Variants in PLXNA1 observed in about 807,000 individuals in gnomAD.
PLXNA1 encodes the protein plexin A1.
A neutral mutation model predicts 191.7 loss-of-function variants in PLXNA1; 77 were observed. The ratio of observed to expected loss-of-function variants is 0.40; its 90% CI spans 0.33 to 0.49. PLXNA1 has a LOEUF of 0.49. PLXNA1 is among the 20% of genes least tolerant of loss of function. The pLI is 0.63. For synonymous variants in PLXNA1, 1,137 were observed against 1,156.4 expected, an observed-to-expected ratio of 0.98 and a Z score of 0.34; for missense variants, 2,110 against 2,660.2, an observed-to-expected ratio of 0.79 and a Z score of 4.55.
At chr3:126,986,178 G>A (rs370912744) in intron 1 of PLXNA1, among the ~76,000 whole-genome samples, 3 of 152,208 alleles carry the variant, frequency 2.0e-5, no homozygotes, top group Admixed American at 6.5e-5. Context: ...ACTGATAAAC[G>A]GTGAGTGATT....
At chr3:127,003,162 G>T (rs974458705) in intron 3 of PLXNA1, among the ~76,000 whole-genome samples, 168 bp from the exon 4 acceptor site, 5 of 151,978 alleles carry the variant, frequency 3.3e-5, no homozygotes, top group Non-Finnish European at 7.4e-5. Context: ...TGGGGCTGGG[G>T]CTGGGGCTGG....
Position 126,989,199 on chromosome 3 carries a change from C to T in PLXNA1, c.606C>T (p.Ser202=), listed in dbSNP as rs1297464979. The change falls in exon 2 of 32, where the codon TCC becomes TCT. Residue 202 remains serine, a synonymous_variant. Transcript: ENST00000393409. ...DGKSEYFPTL[S]SRRLMANEED... is the part of the protein sequence containing the mutation. ...AGTCCGAGTACTTCCCCACACTGTC[C>T]AGCCGTCGGCTCATGGCCAACGAGG... The T allele has an allele frequency of 6.8e-6, 11 of 1,613,500 alleles. No individual in the cohort carries two copies. Among genetic ancestry groups the T allele is most frequent in the Non-Finnish European group, 9.3e-6 (11 of 1,180,062 alleles).
rs765834717 is a variant in PLXNA1, at chr3:127,030,233, C to T, written c.5062-10C>T. 26 of 1,611,438 alleles carry T rather than the reference C, an allele frequency of 1.6e-5. No individual in the cohort carries two copies. The highest frequency in any genetic ancestry group is 2.0e-5 in the Non-Finnish European group (23 of 1,178,568). ...CCCTGGGGCTCAGTGTCCCTGCCTG[C>T]CCCCCGCAGGGCACACTGCAGAAGT... is the stretch of plus-strand genomic sequence containing the variant. On this transcript the variant is annotated splice_polypyrimidine_tract_variant and intron_variant, in intron 28 of 31. Transcript: ENST00000393409.
chr3:127,035,210 AAAAG>A lies in PLXNA1; in HGVS notation c.*1198_*1201del, dbSNP rs1175457528. ...CCTCAGCAAGAGAGAATGCATTCTT[AAAAG>A]AAAGCTGTACATGTATATATATGCA... On this transcript the variant is annotated 3_prime_UTR_variant, in exon 32 of 32. Coordinates refer to ENST00000393409, the MANE Select transcript of PLXNA1 (RefSeq NM_032242.4). 1 of 152,178 alleles carries A rather than the reference AAAAG, an allele frequency of 6.6e-6. No individual in the cohort carries two copies. The highest frequency in any genetic ancestry group is 1.5e-5 in the Non-Finnish European group (1 of 68,024). The allele number at this position is 152,178 out of a possible 1,614,324, so 9.4% of individuals were successfully genotyped here. A position where few individuals can be genotyped will look rare whatever the true frequency, so the allele number is the denominator to read the frequency against.
At chr3:126,988,052 A>G (rs979227985) in intron 1 of PLXNA1, among the ~76,000 whole-genome samples, 3 of 152,072 alleles carry the variant, frequency 2.0e-5, no homozygotes, top group African/African-American at 7.2e-5. Context: ...TCTGTAGGGG[A>G]CGGTGGTGGA....
intron 1 of PLXNA1, among the ~76,000 whole-genome samples, chr3:126,985,034 C>T (rs914295526): frequency 5.9e-5 from 9 of 152,192 alleles, no homozygotes; most frequent in Admixed American, 4.6e-4. Context: ...CCCCCGGCTG[C>T]TGTTGTGAGC....
In PLXNA1 at chr3:127,007,881, G is replaced by A. The variant is rs149327396; in HGVS notation, c.2080G>A (p.Ala694Thr). 50 of 1,611,830 alleles carry A rather than the reference G, an allele frequency of 3.1e-5. No homozygotes were observed. The highest frequency in any genetic ancestry group is 8.0e-5 in the African/African-American group (6 of 74,920). The stretch of plus-strand genomic sequence containing the variant: ...GTGCACACACAACGTGGCTGACTGC[G>A]CCTTCCTGGAGGGCCGTGTCAACGT... ...HVCTHNVADC[A>T]FLEGRVNVSE... Residue 694 changes from alanine (A) to threonine (T), a missense_variant, in exon 9 of 32, where the codon GCC (alanine) becomes ACC (threonine). Ala to Thr is a moderately conservative substitution (Grantham distance 58). This residue lies in a region of PLXNA1 where 903 missense variants were observed against 1,015.7 expected (regional missense o/e 0.89). Transcript: ENST00000393409.
rs749888480 is a variant in PLXNA1 at position 127,017,843 on chromosome 3, C to G, written c.3611C>G (p.Thr1204Arg). ...STPCTLTVSE[T>R]QLLCEAPNLT... ...CCCTGTACCCTCACCGTGTCGGAGA[C>G]GCAACTGCTGTGCGAGGCGCCCAAC... Residue 1204 changes from threonine to arginine, a missense_variant, in exon 19 of 32, where the codon ACG becomes AGG. Coordinates refer to ENST00000393409, the MANE Select transcript of PLXNA1 (RefSeq NM_032242.4). 1 of 1,612,908 alleles carries G rather than the reference C, an allele frequency of 6.2e-7. No individual in the cohort carries two copies. The highest frequency in any genetic ancestry group is 8.5e-7 in the Non-Finnish European group (1 of 1,180,016).
chr3:126,988,896 G>A lies in PLXNA1; in HGVS notation c.303G>A (p.Val101=), dbSNP rs1220043840. The change falls in exon 2 of 32, where the codon GTG becomes GTA. Residue 101 remains valine (V), a synonymous_variant. Coordinates refer to ENST00000393409, the MANE Select transcript of PLXNA1 (RefSeq NM_032242.4). ...AGAAGTGCTACCCGCCGCCCAGCGT[G>A]CAGTCCTGCCCCCACGGCCTGGGCA... ...DNEKCYPPPS[V]QSCPHGLGST... is the part of the protein sequence containing the mutation. 2 of 1,613,324 alleles carry A rather than the reference G, an allele frequency of 1.2e-6. No individual in the cohort carries two copies. The highest frequency in any genetic ancestry group is 1.6e-4 in the Middle Eastern group (1 of 6,062).
rs1417699125 is a variant in PLXNA1 at position 126,989,670 on chromosome 3, G to A, written c.1077G>A (p.Leu359=). The A allele has an allele frequency of 1.9e-6, 3 of 1,613,162 alleles. No homozygotes were observed. In the Admixed American group the frequency reaches 5.0e-5, roughly 27 times the overall value. ...VKPPKESALC[L]FTLRAIKEKI... is the part of the protein sequence containing the mutation. ...CACCAAAGGAGTCAGCACTGTGCCT[G>A]TTCACGCTCAGGGCCATCAAGGAGA... Residue 359 remains leucine (L), a synonymous_variant, in exon 2 of 32, where the codon CTG becomes CTA. Transcript: ENST00000393409.
chr3:127,028,783 TA>T, intron 25 of PLXNA1: 1 of 587,930 alleles, frequency 1.7e-6, no homozygotes, highest in South Asian at 2.0e-5. Flanking sequence ...CAGACCCCCT[TA>T]GGCTGGGGCT....
At chr3:127,018,220 T>G in intron 19 of PLXNA1, 74 bp from the exon 20 acceptor site, 1 of 1,326,180 alleles carries the variant, frequency 7.5e-7, no homozygotes, top group South Asian at 1.4e-5. Flanking sequence ...GGGGTGGGTC[T>G]TGCCCATCGG....
intron 3 of PLXNA1, among the ~76,000 whole-genome samples, chr3:127,002,318 G>T (rs769760623): frequency 5.9e-5 from 9 of 152,240 alleles, no homozygotes; most frequent in Non-Finnish European, 2.9e-5. Flanking sequence ...CGGCGCTCAG[G>T]AATGCGGCCC....
At position 127,005,162 on chromosome 3, in the gene PLXNA1, T is replaced by C; in HGVS notation, c.1816T>C (p.Ser606Pro). Reference sequence around the variant, plus strand: ...CTGCTCCTTCGAGGACTTCACGGAATCTGAGAGCGTCCTGGAGGATGGCCG... The same window carrying C: ...CTGCTCCTTCGAGGACTTCACGGAACCTGAGAGCGTCCTGGAGGATGGCCG... ...VNCSFEDFTE[S>P]ESVLEDGRIH... Residue 606 changes from serine (S) to proline (P), a missense_variant, in exon 7 of 32, where the codon TCT becomes CCT. Coordinates refer to ENST00000393409, the MANE Select transcript of PLXNA1 (RefSeq NM_032242.4). The C allele has an allele frequency of 6.2e-7, 1 of 1,612,664 alleles. No homozygotes were observed. Among genetic ancestry groups the C allele is most frequent in the Non-Finnish European group, 8.5e-7 (1 of 1,179,916 alleles).
chr3:126,988,893 C>G lies in PLXNA1; in HGVS notation c.300C>G (p.Ser100Arg), dbSNP rs149025881. 39 of 1,613,188 alleles carry G rather than the reference C, an allele frequency of 2.4e-5. No individual in the cohort carries two copies. Among genetic ancestry groups the G allele is most frequent in the Non-Finnish European group, 3.1e-5 (37 of 1,180,016 alleles). ...ACGAGAAGTGCTACCCGCCGCCCAG[C>G]GTGCAGTCCTGCCCCCACGGCCTGG... ...EDNEKCYPPP[S>R]VQSCPHGLGS... Residue 100 changes from serine to arginine, a missense_variant, in exon 2 of 32, where the codon AGC becomes AGG. Ser to Arg is a moderately radical substitution (Grantham distance 110). Transcript: ENST00000393409.
rs1193693703 is a variant in PLXNA1 at position 127,032,772 on chromosome 3, G to A, written c.5531G>A (p.Ser1844Asn). 2 of 1,613,340 alleles carry A rather than the reference G, an allele frequency of 1.2e-6. No individual in the cohort carries two copies. The highest frequency in any genetic ancestry group is 1.7e-6 in the Non-Finnish European group (2 of 1,180,008). Residue 1844 changes from serine to asparagine, a missense_variant, in exon 31 of 32, where the codon AGC (serine) becomes AAC (asparagine). Transcript: ENST00000393409. ...YLAEQSRLHLSQFNSMSALHE... is the reference protein window; with the variant it reads ...YLAEQSRLHLNQFNSMSALHE... ...GCTGAGCAGTCCCGCCTGCACCTGAGCCAGTTCAACAGCATGAGCGCCTTG... is the reference window on the plus strand; with the variant it reads ...GCTGAGCAGTCCCGCCTGCACCTGAACCAGTTCAACAGCATGAGCGCCTTG...
chr3:126,988,636 C>CTGCTGT lies in PLXNA1; in HGVS notation c.49_54dup (p.Leu20_Leu21dup), dbSNP rs1358402952. ...GAGCCTGCAGGTGCTCCTGCTGCTGCTGCTGTTGCTGCTGCTGCTGCCGGG... is the reference window on the plus strand; with the variant it reads ...GAGCCTGCAGGTGCTCCTGCTGCTGCTGCTGTTGCTGTTGCTGCTGCTGCTGCCGGG... On this transcript the variant is annotated inframe_insertion, in exon 2 of 32. Transcript: ENST00000393409. 3.8e-6 allele frequency: 6 copies of CTGCTGT among 1,575,574 alleles called. No individual in the cohort carries two copies. The highest frequency in any genetic ancestry group is 1.8e-5 in the Admixed American group (1 of 56,264).
At position 127,001,543 on chromosome 3, in the gene PLXNA1, G is replaced by A. The variant is rs544802895; in HGVS notation, c.1378-1787G>A. Among the ~76,000 whole-genome samples, 3 of 152,284 alleles carry A rather than the reference G, an allele frequency of 2.0e-5. No homozygotes were observed. In the South Asian group the frequency reaches 6.2e-4, roughly 32 times the overall value. On this transcript the variant is annotated intron_variant, in intron 3 of 31. Transcript: ENST00000393409. ...GGATATCCACAGGACTGTGAGGATG[G>A]AGGAGATGAGAGGAATCGTGGTCCC...
intron 19 of PLXNA1, 99 bp downstream of exon 19, chr3:127,017,991 T>C (rs1315161238): frequency 1.3e-6 from 2 of 1,494,982 alleles, no homozygotes; most frequent in Non-Finnish European, 1.8e-6. Context: ...TGCCCGAGAC[T>C]CACCCCTAGC....
Sources: allele counts gnomAD v4.1 joint callset (sites outside exome capture counted in the v4.1 genomes callset), GRCh38; gene constraint gnomAD v4.1.1; regional missense constraint gnomAD v4.1.1; transcripts MANE v1.5; gene names NCBI Gene and HGNC (gene_info 2026-07-23, HGNC 2026-07-21).